Variants in PSAP observed in about 807,000 individuals in gnomAD.
The protein encoded by PSAP is precursor of saposins.
In PSAP, 25 loss-of-function variants were observed where a neutral mutation model predicts 66.0. That is an observed-to-expected ratio of 0.38 (90% CI 0.28 to 0.53). The LOEUF (loss-of-function observed/expected upper bound fraction) is 0.53. Ranked by LOEUF, PSAP falls within the 20% of genes least tolerant of loss-of-function variation. PSAP has a pLI of 0.83. For missense variants in PSAP, 649 were observed against 668.8 expected (o/e 0.97, Z 0.33); for synonymous variants, 273 against 258.9 (o/e 1.05, Z -0.52).
intron 4 of PSAP, among the ~76,000 whole-genome samples, chr10:71,830,207 A>G (rs1842484971): frequency 6.6e-6 from 1 of 152,000 alleles, no homozygotes; most frequent in Non-Finnish European, 1.5e-5. Flanking sequence ...CTGCCCAACT[A>G]GCTCCATTTT....
At chr10:71,842,140 G>A (rs776898442) in intron 1 of PSAP, among the ~76,000 whole-genome samples, 3 of 152,178 alleles carry the variant, frequency 2.0e-5, no homozygotes, top group Non-Finnish European at 4.4e-5. Context: ...CTTTCAGGGG[G>A]TGAGGGCAAA....
chr10:71,846,436 A>AG (rs1387202618), intron 1 of PSAP, among the ~76,000 whole-genome samples: 2 of 151,652 alleles, frequency 1.3e-5, no homozygotes, highest in African/African-American at 4.8e-5. Flanking sequence ...AAAAAAAAAA[A>AG]AAAAAAAGCC....
At position 71,817,314 on chromosome 10, in the gene PSAP, A is replaced by G. The variant is rs1443974586; in HGVS notation, c.*127T>C. The G allele has an allele frequency of 1.9e-6, 2 of 1,026,814 alleles. No individual in the cohort carries two copies. The highest frequency in any genetic ancestry group is 3.1e-6 in the Non-Finnish European group (2 of 649,690). The allele number at this position is 1,026,814 out of a possible 1,614,324, so 63.6% of individuals were successfully genotyped here. ...GCAATGCTACAATAAAGGACACAGA[A>G]ATGGGGGAGGTGGGGGAGCCCTATT... On this transcript the variant is annotated 3_prime_UTR_variant, in exon 14 of 14. Transcript: ENST00000394936.
At chr10:71,831,998 T>G in intron 2 of PSAP, 78 bp from the exon 3 acceptor site, 3 of 1,347,340 alleles carry the variant, frequency 2.2e-6, no homozygotes, top group Non-Finnish European at 3.2e-6. Context: ...CCCCATGGCC[T>G]TTTCGCTATT....
Position 71,819,701 on chromosome 10 carries a change from A to T in PSAP, c.1192+13T>A, listed in dbSNP as rs781147685. 2.5e-6 allele frequency: 4 copies of T among 1,613,984 alleles called. No individual in the cohort carries two copies. The South Asian group carries it at 4.4e-5, about 18-fold the overall frequency. On this transcript the variant is annotated intron_variant, in intron 10 of 13. Coordinates refer to ENST00000394936, the MANE Select transcript of PSAP (RefSeq NM_002778.4). ...GGGGCACCATCCTCTCCCGCACCAC[A>T]CCCAGCGCTCACCGGTCAGTGCAGG...
intron 1 of PSAP, among the ~76,000 whole-genome samples, chr10:71,838,982 A>G (rs73279762): frequency 0.018 from 2,690 of 152,178 alleles, 78 homozygotes; most frequent in African/African-American, 0.06. Flanking sequence ...ACCCAAAAAC[A>G]CTTTCTCGTG....
intron 9 of PSAP, 129 bp from the exon 10 acceptor site, chr10:71,820,029 C>A: frequency 1.0e-6 from 1 of 971,256 alleles, no homozygotes; most frequent in South Asian, 1.4e-5. Flanking sequence ...AAAAAACTAC[C>A]AAACTACAAA....
intron 6 of PSAP, 85 bp downstream of exon 6, chr10:71,827,929 A>G: frequency 6.4e-7 from 1 of 1,558,786 alleles, no homozygotes; most frequent in Non-Finnish European, 8.8e-7. Flanking sequence ...AAAGAGAAGG[A>G]TGTTGTCTGA....
Position 71,825,666 on chromosome 10 carries a change from G to A in PSAP, c.777+171C>T, listed in dbSNP as rs1056172140. Reference sequence around the variant, plus strand: ...AGCCTGCCTCTCCCGTAACAGGGGAGGTACTGAGATTGCAAGTGGAGAGTC... The same window carrying A: ...AGCCTGCCTCTCCCGTAACAGGGGAAGTACTGAGATTGCAAGTGGAGAGTC... On this transcript the variant is annotated intron_variant, in intron 7 of 13. Transcript: ENST00000394936. The A allele has an allele frequency of 4.1e-5, 29 of 706,500 alleles. 1 individual carries two copies. The East Asian group carries it at 7.9e-4, about 19-fold the overall frequency. 43.8% of individuals were successfully genotyped at this position (706,500 alleles called of 1,614,324 possible).
At chr10:71,851,040 A>C in intron 1 of PSAP, 142 bp downstream of exon 1, 2 of 947,930 alleles carry the variant, frequency 2.1e-6, no homozygotes, top group Non-Finnish European at 3.2e-6. Context: ...AGAGAAAGCC[A>C]GCGAACGCGC....
intron 7 of PSAP, among the ~76,000 whole-genome samples, chr10:71,823,235 C>A (rs1432496613): frequency 6.6e-6 from 1 of 152,204 alleles, no homozygotes; most frequent in African/African-American, 2.4e-5. Context: ...CCGAAGGACA[C>A]TGGCTCAGAG....
Position 71,819,111 on chromosome 10 carries a change from A to G in PSAP, c.1351T>C (p.Cys451Arg). 1.2e-6 allele frequency: 2 copies of G among 1,613,716 alleles called. No individual in the cohort carries two copies. The highest frequency in any genetic ancestry group is 1.1e-5 in the South Asian group (1 of 91,042). The part of the protein sequence containing the change: ...SFLPDPYQKQ[C>R]DQFVAEYEPV... ...TCGTACTCTGCCACAAACTGATCACACTATAAAGGAAAGTGGGGACACAGG... is the reference window on the plus strand; with the variant it reads ...TCGTACTCTGCCACAAACTGATCACGCTATAAAGGAAAGTGGGGACACAGG... Residue 451 changes from cysteine (C) to arginine (R), a missense_variant and splice_region_variant, in exon 12 of 14, where the codon TGT becomes CGT. Physicochemically the swap from Cys to Arg is radical, Grantham distance 180. Transcript: ENST00000394936.
chr10:71,847,402 T>G (rs1048151429), intron 1 of PSAP, among the ~76,000 whole-genome samples: 1 of 152,140 alleles, frequency 6.6e-6, no homozygotes, highest in African/African-American at 2.4e-5. Flanking sequence ...AGGTGGATTT[T>G]ATAGGCATGG....
At chr10:71,825,425 G>A (rs1842383172) in intron 7 of PSAP, among the ~76,000 whole-genome samples, 1 of 152,252 alleles carries the variant, frequency 6.6e-6, no homozygotes, top group South Asian at 2.1e-4. Context: ...TTCAGCGGAC[G>A]CTGCTGCCAT....
intron 4 of PSAP, among the ~76,000 whole-genome samples, chr10:71,830,732 G>A (rs1204795298): frequency 6.6e-6 from 1 of 152,226 alleles, no homozygotes; most frequent in Non-Finnish European, 1.5e-5. Flanking sequence ...CTTGATGAAT[G>A]AAAGACCCCA....
rs1453808303 is a variant in PSAP, at chr10:71,830,076, C to T, written c.376-999G>A. On this transcript the variant is annotated intron_variant, in intron 4 of 13. Transcript: ENST00000394936. Reference sequence around the variant, plus strand: ...AGAGTCAGCAATTCTAAGTCACTTCCCCACAAAATGAGCTAACACGATGGC... The same window carrying T: ...AGAGTCAGCAATTCTAAGTCACTTCTCCACAAAATGAGCTAACACGATGGC... 5.3e-5 allele frequency among the ~76,000 whole-genome samples: 8 copies of T among 152,208 alleles called. No homozygotes were observed. In the South Asian group the frequency reaches 1.5e-3, roughly 28 times the overall value.
chr10:71,844,339 A>G (rs1451881852), intron 1 of PSAP, among the ~76,000 whole-genome samples: 1 of 152,234 alleles, frequency 6.6e-6, no homozygotes, highest in African/African-American at 2.4e-5. Flanking sequence ...AATAGAAAAA[A>G]CTAGAAATTA....
At chr10:71,843,064 C>T (rs1034403385) in intron 1 of PSAP, among the ~76,000 whole-genome samples, 3 of 152,104 alleles carry the variant, frequency 2.0e-5, no homozygotes, top group Non-Finnish European at 4.4e-5. Flanking sequence ...CACATCACAA[C>T]GCCAGGTAGC....
intron 1 of PSAP, among the ~76,000 whole-genome samples, chr10:71,850,395 T>C (rs991152767): frequency 6.6e-6 from 1 of 152,112 alleles, no homozygotes; most frequent in Non-Finnish European, 1.5e-5. Flanking sequence ...AATTATCAAC[T>C]AGAAAATGTT....
Sources: allele counts gnomAD v4.1 joint callset (sites outside exome capture counted in the v4.1 genomes callset), GRCh38; gene constraint gnomAD v4.1.1; transcripts MANE v1.5; gene names NCBI Gene and HGNC (gene_info 2026-07-23, HGNC 2026-07-21).